The following INTU variants were observed in gnomAD, a reference collection of about 807,000 sequenced individuals.
The protein encoded by INTU is inturned planar cell polarity protein.
Under a neutral mutation model 100.5 loss-of-function variants are expected in INTU, and 68 were observed. The observed-to-expected ratio is 0.68, with a 90% CI of 0.56 to 0.83. The LOEUF is 0.83. Among genes scored for constraint, INTU ranks in the 40% least tolerant of loss-of-function variants. The pLI is 0.00. For synonymous variants in INTU, 357 were observed against 395.7 expected, an observed-to-expected ratio of 0.90 and a Z score of 1.16; for missense variants, 1,071 against 1,114.7, an observed-to-expected ratio of 0.96 and a Z score of 0.56.
intron 15 of INTU, 32 bp downstream of exon 15, chr4:127,714,125 A>G (rs1403383604): frequency 6.3e-7 from 1 of 1,574,832 alleles, no homozygotes; most frequent in Non-Finnish European, 8.6e-7. Context: ...TTGAAAGTAA[A>G]GTGTTAGAAA....
chr4:127,707,065 T>G, intron 12 of INTU, 96 bp downstream of exon 12: 1 of 1,344,262 alleles, frequency 7.4e-7, no homozygotes, highest in Non-Finnish European at 1.0e-6. Flanking sequence ...GGCATACCAT[T>G]CTTCATTTGA....
intron 2 of INTU, 141 bp downstream of exon 2, chr4:127,644,197 A>G (rs1727467008): frequency 3.3e-6 from 3 of 898,674 alleles, no homozygotes; most frequent in Non-Finnish European, 4.9e-6. Flanking sequence ...ACAGTAGAGA[A>G]ATGGTTACAC....
intron 4 of INTU, among the ~76,000 whole-genome samples, chr4:127,665,564 T>C (rs1728661601): frequency 6.6e-6 from 1 of 152,178 alleles, no homozygotes; most frequent in Admixed American, 6.6e-5. Flanking sequence ...GGCTACTTGC[T>C]ATAACAAACA....
At chr4:127,638,900 C>G (rs1578521454) in intron 1 of INTU, among the ~76,000 whole-genome samples, 2 of 152,124 alleles carry the variant, frequency 1.3e-5, no homozygotes, top group East Asian at 3.9e-4. Flanking sequence ...ATTTTGAAGG[C>G]GTATTTATAT....
At chr4:127,711,670 TTGTGAAC>T (rs1220267075) in intron 14 of INTU, among the ~76,000 whole-genome samples, 1 of 152,144 alleles carries the variant, frequency 6.6e-6, no homozygotes, top group African/African-American at 2.4e-5. Context: ...AACCCTATTA[TTGTGAAC>T]TGTGCATGTG....
At chr4:127,690,785 A>AT (rs1172179954) in intron 8 of INTU, among the ~76,000 whole-genome samples, 2 of 152,078 alleles carry the variant, frequency 1.3e-5, no homozygotes, top group Non-Finnish European at 2.9e-5. Flanking sequence ...TAGCCTCTCC[A>AT]TTATCAACAT....
intron 4 of INTU, among the ~76,000 whole-genome samples, chr4:127,668,322 A>G (rs1728783673): frequency 6.6e-6 from 1 of 151,934 alleles, no homozygotes; most frequent in Admixed American, 6.6e-5. Flanking sequence ...AAAACAGAAA[A>G]ATATAAAGCA....
chr4:127,653,841 T>C (rs1728034841), intron 2 of INTU, among the ~76,000 whole-genome samples: 1 of 151,830 alleles, frequency 6.6e-6, no homozygotes, highest in South Asian at 2.1e-4. Flanking sequence ...CTCCCATTAT[T>C]AATGTGTGGG....
intron 13 of INTU, among the ~76,000 whole-genome samples, chr4:127,709,577 C>T (rs1024600651): frequency 2.0e-5 from 3 of 152,114 alleles, no homozygotes; most frequent in African/African-American, 4.8e-5. Flanking sequence ...ACTTCTTGTG[C>T]ACTTATGTGG....
chr4:127,636,613 C>CAAA (rs770388771), intron 1 of INTU, among the ~76,000 whole-genome samples: 11 of 85,514 alleles, frequency 1.3e-4, no homozygotes, highest in Admixed American at 3.7e-4. Context: ...CACACCATCT[C>CAAA]AAAAAAAAAA....
intron 5 of INTU, among the ~76,000 whole-genome samples, chr4:127,671,768 G>A (rs1728938317): frequency 6.6e-6 from 1 of 151,740 alleles, no homozygotes; most frequent in South Asian, 2.1e-4. Context: ...ATATACTATG[G>A]AATAAAAAAG....
At position 127,716,859 on chromosome 4, in the gene INTU, G is replaced by A. The variant is rs1156918133; in HGVS notation, c.*423G>A. On this transcript the variant is annotated 3_prime_UTR_variant, in exon 16 of 16. Transcript: ENST00000335251. Reference sequence around the variant, plus strand: ...TATGAAATTGGGAGCAGGTGACCAGGTGCTGTAACTAAGTAGTGCTATGAC... The same window carrying A: ...TATGAAATTGGGAGCAGGTGACCAGATGCTGTAACTAAGTAGTGCTATGAC... The A allele has an allele frequency of 6.6e-6, 1 of 152,404 alleles. No individual in the cohort carries two copies. Among genetic ancestry groups the A allele is most frequent in the Admixed American group, 6.5e-5 (1 of 15,276 alleles). 9.4% of individuals were successfully genotyped at this position (152,404 alleles called of 1,614,324 possible).
chr4:127,687,636 A>G (rs1234209125), intron 7 of INTU, 42 bp from the exon 8 acceptor site: 1 of 1,529,392 alleles, frequency 6.5e-7, no homozygotes, highest in Non-Finnish European at 8.9e-7. Context: ...AATGACCACC[A>G]TTTCCATATG....
intron 2 of INTU, among the ~76,000 whole-genome samples, chr4:127,647,588 A>G (rs1727645000): frequency 6.6e-6 from 1 of 152,208 alleles, no homozygotes; most frequent in South Asian, 2.1e-4. Context: ...TGTGTAAGGT[A>G]GCATATTCAG....
At chr4:127,640,741 A>C (rs928556501) in intron 1 of INTU, among the ~76,000 whole-genome samples, 3 of 151,338 alleles carry the variant, frequency 2.0e-5, no homozygotes, top group Non-Finnish European at 4.4e-5. Context: ...GTGATTTCTA[A>C]GCTGTATTGT....
intron 8 of INTU, among the ~76,000 whole-genome samples, chr4:127,691,070 T>TG (rs1730099461): frequency 1.3e-5 from 2 of 152,312 alleles, no homozygotes; most frequent in South Asian, 4.1e-4. Flanking sequence ...TCCATCATTT[T>TG]GCATTTTCCA....
intron 8 of INTU, among the ~76,000 whole-genome samples, chr4:127,693,569 T>C (rs1459355022): frequency 6.6e-6 from 1 of 152,178 alleles, no homozygotes; most frequent in Non-Finnish European, 1.5e-5. Context: ...TTTATTTTTT[T>C]ATCTTGTCTG....
At chr4:127,654,038 T>C (rs1389417265) in intron 2 of INTU, among the ~76,000 whole-genome samples, 1 of 151,212 alleles carries the variant, frequency 6.6e-6, no homozygotes, top group Admixed American at 6.6e-5. Context: ...GAGACTAGGA[T>C]TGAAACCCCT....
rs1202904126 is a variant in INTU at position 127,684,390 on chromosome 4, T to C, written c.1182-19T>C. 1.0e-5 allele frequency: 14 copies of C among 1,359,082 alleles called. No individual in the cohort carries two copies. Among genetic ancestry groups the C allele is most frequent in the Non-Finnish European group, 1.1e-5 (11 of 961,408 alleles). 84.2% of individuals were successfully genotyped at this position (1,359,082 alleles called of 1,614,324 possible). ...TTTGATTATGTTGTAAATTAATACG[T>C]GTAATTTTGCTTTTTTAGAGTTCCT... is the stretch of plus-strand genomic sequence containing the variant. On this transcript the variant is annotated intron_variant, in intron 6 of 15. Transcript: ENST00000335251.
Sources: allele counts gnomAD v4.1 joint callset (sites outside exome capture counted in the v4.1 genomes callset), GRCh38; gene constraint gnomAD v4.1.1; transcripts MANE v1.5; gene names NCBI Gene and HGNC (gene_info 2026-07-23, HGNC 2026-07-21).